GNAO1: variants seen among roughly 807,000 people sequenced by gnomAD.
GNAO1 encodes guanine nucleotide-binding protein G(o) subunit alpha.
For missense variants in GNAO1, 166 were observed against 478.7 expected, an observed-to-expected ratio of 0.35 and a Z score of 6.10; for synonymous variants, 164 against 180.7, an observed-to-expected ratio of 0.91 and a Z score of 0.74.
At chr16:56,258,842 G>A (rs1256910946) in intron 2 of GNAO1, among the ~76,000 whole-genome samples, 1 of 152,194 alleles carries the variant, frequency 6.6e-6, no homozygotes, top group Non-Finnish European at 1.5e-5. Context: ...GTGGGAGTAG[G>A]CAGGAGAACT....
chr16:56,309,278 G>A (rs572959170), intron 3 of GNAO1, among the ~76,000 whole-genome samples: 1 of 152,324 alleles, frequency 6.6e-6, no homozygotes, highest in East Asian at 1.9e-4. Context: ...CCCTGCAACT[G>A]TGTCCGGGAT....
Position 56,345,931 on chromosome 16 carries a change from T to G in GNAO1, c.724-5453T>G, listed in dbSNP as rs1055798680. 5.1e-5 allele frequency: 50 copies of G among 985,320 alleles called. 1 individual carries two copies. Among genetic ancestry groups the G allele is most frequent in the Non-Finnish European group, 5.8e-5 (48 of 830,004 alleles). 61.0% of individuals were successfully genotyped at this position (985,320 alleles called of 1,614,324 possible). A position where few individuals can be genotyped will look rare whatever the true frequency, so the allele number is the denominator to read the frequency against. On this transcript the variant is annotated intron_variant, in intron 6 of 8. Transcript: ENST00000262493. Reference sequence around the variant, plus strand: ...GGTGGAAGTCACTGGGCTGGAGGGCTCTCCATGTCCCCCAGCAGCCGCCCT... The same window carrying G: ...GGTGGAAGTCACTGGGCTGGAGGGCGCTCCATGTCCCCCAGCAGCCGCCCT...
chr16:56,338,745 T>C (rs548159355), intron 6 of GNAO1, among the ~76,000 whole-genome samples: 2 of 152,186 alleles, frequency 1.3e-5, no homozygotes, highest in Admixed American at 6.5e-5. Context: ...GCAAGGGACG[T>C]CTGGGTGAGC....
At chr16:56,266,917 G>A (rs1428405701) in intron 2 of GNAO1, among the ~76,000 whole-genome samples, 1 of 151,690 alleles carries the variant, frequency 6.6e-6, no homozygotes, top group Non-Finnish European at 1.5e-5. Context: ...TAGGGGATTT[G>A]GGCTGCTGCA....
intron 6 of GNAO1, among the ~76,000 whole-genome samples, chr16:56,342,064 T>C (rs576660010): frequency 6.6e-6 from 1 of 152,016 alleles, no homozygotes; most frequent in East Asian, 1.9e-4. Flanking sequence ...CCAGCTGGAG[T>C]TGAGTAGGGC....
chr16:56,317,834 A>T (rs544452472), intron 3 of GNAO1, among the ~76,000 whole-genome samples: 16 of 152,226 alleles, frequency 1.1e-4, no homozygotes, highest in African/African-American at 3.6e-4. Context: ...CTGCTGCAGG[A>T]TCTTTTTGAG....
intron 2 of GNAO1, among the ~76,000 whole-genome samples, chr16:56,210,984 T>C (rs1027500606): frequency 6.6e-6 from 1 of 152,212 alleles, no homozygotes; most frequent in African/African-American, 2.4e-5. Flanking sequence ...ACCTTAATTG[T>C]TGTATAATTC....
chr16:56,334,007 C>T (rs1476656367), intron 4 of GNAO1, among the ~76,000 whole-genome samples: 2 of 152,276 alleles, frequency 1.3e-5, no homozygotes, highest in Admixed American at 1.3e-4. Context: ...CCTCTGAGTG[C>T]TTGGCCTGAG....
chr16:56,345,158 G>A (rs904912432), intron 6 of GNAO1: 17 of 985,860 alleles, frequency 1.7e-5, no homozygotes, highest in East Asian at 1.1e-4. Context: ...TCCCGGTGAC[G>A]GTGACGCAGG....
At chr16:56,310,768 C>T (rs573606280) in intron 3 of GNAO1, among the ~76,000 whole-genome samples, 4 of 152,182 alleles carry the variant, frequency 2.6e-5, no homozygotes, top group South Asian at 2.1e-4. Flanking sequence ...CAAAATGTTT[C>T]GTGGTTCAGA....
At chr16:56,340,764 T>G in intron 6 of GNAO1, 3 of 1,380,516 alleles carry the variant, frequency 2.2e-6, no homozygotes, top group Non-Finnish European at 3.0e-6. Flanking sequence ...TGTCCCGCTG[T>G]GTCATTGGCC....
chr16:56,297,522 G>GGT (rs10545712), intron 3 of GNAO1, among the ~76,000 whole-genome samples: 18,145 of 134,098 alleles, frequency 0.14, 1,204 homozygotes, highest in Admixed American at 0.15. Context: ...TTGTCTAACT[G>GGT]GTGTGTGTGT....
rs374312361 is a variant in GNAO1 at position 56,192,367 on chromosome 16, C to T, written c.118+14C>T. 11 of 1,460,792 alleles carry T rather than the reference C, an allele frequency of 7.5e-6. No individual in the cohort carries two copies. The highest frequency in any genetic ancestry group is 2.9e-6 in the Non-Finnish European group (3 of 1,041,622). 90.5% of individuals were successfully genotyped at this position (1,460,792 alleles called of 1,614,324 possible). ...TACTCCTGCTCGGTAAGGACCGCCGCTGCTACCCCCATCCCCCGACCCCGG... is the reference window on the plus strand; with the variant it reads ...TACTCCTGCTCGGTAAGGACCGCCGTTGCTACCCCCATCCCCCGACCCCGG... On this transcript the variant is annotated intron_variant, in intron 1 of 8. Coordinates refer to ENST00000262493, the MANE Select transcript of GNAO1 (RefSeq NM_020988.3).
chr16:56,337,494 A>T (rs1288077196), intron 6 of GNAO1, among the ~76,000 whole-genome samples: 1 of 152,138 alleles, frequency 6.6e-6, no homozygotes, highest in Non-Finnish European at 1.5e-5. Context: ...CTTGCGTCAC[A>T]TTCAGCCTAG....
chr16:56,269,505 A>G (rs533897123), intron 2 of GNAO1, among the ~76,000 whole-genome samples: 1 of 152,172 alleles, frequency 6.6e-6, no homozygotes, highest in Non-Finnish European at 1.5e-5. Flanking sequence ...CTCTACATGG[A>G]TTCATTCTTT....
At chr16:56,280,906 A>G (rs1408015119) in intron 3 of GNAO1, among the ~76,000 whole-genome samples, 5 of 152,180 alleles carry the variant, frequency 3.3e-5, no homozygotes. Context: ...AGCTCTGGGA[A>G]TTACTGACTC....
At chr16:56,256,712 C>CTG (rs1449657710) in intron 2 of GNAO1, among the ~76,000 whole-genome samples, 11 of 116,022 alleles carry the variant, frequency 9.5e-5, no homozygotes, top group African/African-American at 3.9e-4. Context: ...CTCTCTCTCT[C>CTG]TCTCTCTGTG....
intron 2 of GNAO1, among the ~76,000 whole-genome samples, chr16:56,248,792 G>T (rs1228662876): frequency 6.6e-6 from 1 of 152,184 alleles, no homozygotes; most frequent in Non-Finnish European, 1.5e-5. Flanking sequence ...GGGATAGGTT[G>T]GGGAAATATG....
At chr16:56,313,589 T>C (rs1296717143) in intron 3 of GNAO1, among the ~76,000 whole-genome samples, 1 of 152,144 alleles carries the variant, frequency 6.6e-6, no homozygotes, top group Non-Finnish European at 1.5e-5. Flanking sequence ...GAAGAAAAAT[T>C]TGGCCCCACA....
Sources: allele counts gnomAD v4.1 joint callset (sites outside exome capture counted in the v4.1 genomes callset), GRCh38; gene constraint gnomAD v4.1.1; transcripts MANE v1.5; gene names NCBI Gene and HGNC (gene_info 2026-07-23, HGNC 2026-07-21).